Variants in PARD3B observed in about 807,000 individuals in gnomAD.
PARD3B encodes the protein partitioning defective 3 homolog B.
In PARD3B, 103 loss-of-function variants were observed where a neutral mutation model predicts 130.2. The observed-to-expected ratio is 0.79, with a 90% CI of 0.67 to 0.93. PARD3B has a LOEUF of 0.93. Among genes scored for constraint, PARD3B ranks in the 40% least tolerant of loss-of-function variants. PARD3B has a pLI of 0.00. For missense variants in PARD3B, 1,609 were observed against 1,499.2 expected (o/e 1.07, Z -1.21); for synonymous variants, 583 against 553.2 (o/e 1.05, Z -0.76).
intron 2 of PARD3B, among the ~76,000 whole-genome samples, chr2:204,868,991 A>G (rs904246649): frequency 7.9e-5 from 12 of 152,210 alleles, no homozygotes; most frequent in African/African-American, 2.4e-4. Context: ...AGTTACATGT[A>G]TTTAAAAGGT....
chr2:205,002,379 A>G (rs73054947), intron 3 of PARD3B, among the ~76,000 whole-genome samples: 2,973 of 152,272 alleles, frequency 0.02, 87 homozygotes, highest in African/African-American at 0.066. Context: ...ATATTTCTTT[A>G]AGATGAAATC....
intron 2 of PARD3B, among the ~76,000 whole-genome samples, chr2:204,848,447 C>T (rs549488037): frequency 1.8e-4 from 28 of 152,154 alleles, no homozygotes; most frequent in Non-Finnish European, 3.2e-4. Context: ...TCAGCCTGGG[C>T]AACATTGTGA....
rs552132963 is a variant in PARD3B, at chr2:205,309,640, C to A, written c.2630+7939C>A. ...CCAAATTAGCCAAATTAACACTGAA[C>A]CTAGTTAAAAATCTGTCCCTTAGAA... On this transcript the variant is annotated intron_variant, in intron 18 of 22. Transcript: ENST00000406610. The surrounding 1 kb of genome is among the most constrained non-coding windows in gnomAD (Gnocchi z 4.7). Among the ~76,000 whole-genome samples, 7 of 152,220 alleles carry A rather than the reference C, an allele frequency of 4.6e-5. No individual in the cohort carries two copies. In the South Asian group the frequency reaches 1.5e-3, roughly 32 times the overall value.
At chr2:204,996,790 G>A (rs1444926369) in intron 3 of PARD3B, among the ~76,000 whole-genome samples, 1 of 148,634 alleles carries the variant, frequency 6.7e-6, no homozygotes, top group Non-Finnish European at 1.5e-5. Context: ...GTGGTGCGCC[G>A]TTTTTTAAGC....
intron 3 of PARD3B, among the ~76,000 whole-genome samples, chr2:205,005,382 T>C (rs1411950882): frequency 6.6e-6 from 1 of 152,128 alleles, no homozygotes; most frequent in Non-Finnish European, 1.5e-5. Context: ...GAAGACAAAA[T>C]ATGATGTCCC....
chr2:204,789,401 A>G lies in PARD3B; in HGVS notation c.222+103119A>G, dbSNP rs142543998. Among the ~76,000 whole-genome samples the G allele has an allele frequency of 6.4e-3, 969 of 152,308 alleles. 5 individuals are homozygous for G. Among genetic ancestry groups the G allele is most frequent in the South Asian group, 0.014 (66 of 4,826 alleles). On this transcript the variant is annotated intron_variant, in intron 2 of 22. Coordinates refer to ENST00000406610, the MANE Select transcript of PARD3B (RefSeq NM_001302769.2). Reference sequence around the variant, plus strand: ...AATGATTTTTATTTTGTGACAAAGTATTAATGTTTGAAATCAGCTTTTAAG... The same window carrying G: ...AATGATTTTTATTTTGTGACAAAGTGTTAATGTTTGAAATCAGCTTTTAAG...
intron 22 of PARD3B, among the ~76,000 whole-genome samples, chr2:205,588,346 C>T (rs1334652260): frequency 1.3e-5 from 2 of 152,130 alleles, no homozygotes; most frequent in Non-Finnish European, 2.9e-5. Context: ...TTTCAATTTT[C>T]AATACTTTGT....
At chr2:205,093,968 T>C (rs1374813728) in intron 4 of PARD3B, among the ~76,000 whole-genome samples, 1 of 152,164 alleles carries the variant, frequency 6.6e-6, no homozygotes, top group East Asian at 1.9e-4. Flanking sequence ...TTCAGACCTC[T>C]GCACCTCATT....
chr2:205,010,528 G>C (rs188828428), intron 3 of PARD3B, among the ~76,000 whole-genome samples: 1 of 152,174 alleles, frequency 6.6e-6, no homozygotes, highest in Non-Finnish European at 1.5e-5. Context: ...GATTACATGA[G>C]AGCAAACACT....
At chr2:204,706,855 A>G (rs1167169602) in intron 2 of PARD3B, among the ~76,000 whole-genome samples, 1 of 152,214 alleles carries the variant, frequency 6.6e-6, no homozygotes, top group South Asian at 2.1e-4. Flanking sequence ...CTAGCAAAAC[A>G]CTAATATTTA....
chr2:204,569,110 G>C (rs549103622), intron 1 of PARD3B, among the ~76,000 whole-genome samples: 2 of 152,136 alleles, frequency 1.3e-5, no homozygotes, highest in Non-Finnish European at 2.9e-5. Flanking sequence ...TATTGGGAGT[G>C]TGGTGCTGAA....
Position 204,729,998 on chromosome 2 carries a change from A to C in PARD3B, c.222+43716A>C, listed in dbSNP as rs182259802. On this transcript the variant is annotated intron_variant, in intron 2 of 22. Transcript: ENST00000406610. ...CTAGTTACAGATACACACACACACAAACACACACACACACACACACACACA... is the reference window on the plus strand; with the variant it reads ...CTAGTTACAGATACACACACACACACACACACACACACACACACACACACA... Among the ~76,000 whole-genome samples the C allele has an allele frequency of 2.4e-3, 333 of 141,386 alleles. 1 individual carries two copies. The highest frequency in any genetic ancestry group is 3.0e-3 in the Admixed American group (42 of 14,146). 92.8% of individuals were successfully genotyped at this position (141,386 alleles called of 152,430 possible). A position where few individuals can be genotyped will look rare whatever the true frequency, so the allele number is the denominator to read the frequency against.
At chr2:205,144,265 T>G (rs149343465) in intron 10 of PARD3B, among the ~76,000 whole-genome samples, 142 of 152,324 alleles carry the variant, frequency 9.3e-4, no homozygotes, top group Non-Finnish European at 1.6e-3. Flanking sequence ...GTATACCTAA[T>G]TCATAGCTTG....
chr2:204,994,865 G>C (rs1694014353), intron 3 of PARD3B, among the ~76,000 whole-genome samples: 1 of 151,624 alleles, frequency 6.6e-6, no homozygotes, highest in African/African-American at 2.4e-5. Context: ...GATCTTTGTT[G>C]GTTTAAAGTC....
intron 16 of PARD3B, chr2:205,293,589 A>G (rs1318751262): frequency 6.6e-6 from 1 of 152,222 alleles, no homozygotes; most frequent in Non-Finnish European, 1.5e-5. Flanking sequence ...AAAAGGAACA[A>G]CTAGTATGCA....
chr2:205,476,865 C>T (rs999208118), intron 20 of PARD3B, among the ~76,000 whole-genome samples: 9 of 151,998 alleles, frequency 5.9e-5, no homozygotes, highest in African/African-American at 1.2e-4. Flanking sequence ...TATGTGTATG[C>T]GTGTGTGTAT....
intron 20 of PARD3B, among the ~76,000 whole-genome samples, chr2:205,472,911 C>T (rs1394236748): frequency 6.6e-6 from 1 of 151,864 alleles, no homozygotes; most frequent in African/African-American, 2.4e-5. Context: ...TGAGTAGTCA[C>T]TTGGATTACA....
rs184305867 is a variant in PARD3B, at chr2:204,801,174, C to T, written c.222+114892C>T. ...GATACCTCCAGCTTTGCTCTTTTTGCTTAGGATTGTCTTGGCTATATGGGC... is the reference window on the plus strand; with the variant it reads ...GATACCTCCAGCTTTGCTCTTTTTGTTTAGGATTGTCTTGGCTATATGGGC... On this transcript the variant is annotated intron_variant, in intron 2 of 22. Transcript: ENST00000406610. Among the ~76,000 whole-genome samples the T allele has an allele frequency of 2.0e-3, 308 of 152,172 alleles. 4 individuals are homozygous for T. The highest frequency in any genetic ancestry group is 0.016 in the Admixed American group (240 of 15,272).
Position 205,585,179 on chromosome 2 carries a change from C to G in PARD3B, c.3261-30277C>G, listed in dbSNP as rs2054151984. ...TTAGTCTTTTTTGTGGAATGCCTGC[C>G]TAGGTGTTTATGGCAAGAGGCATAT... On this transcript the variant is annotated intron_variant, in intron 22 of 22. Coordinates refer to ENST00000406610, the MANE Select transcript of PARD3B (RefSeq NM_001302769.2). This position sits in a 1 kb window ranked among gnomAD's most constrained non-coding sequence, Gnocchi z 5.4. Among the ~76,000 whole-genome samples, 1 of 152,134 alleles carries G rather than the reference C, an allele frequency of 6.6e-6. No individual in the cohort carries two copies. The highest frequency in any genetic ancestry group is 1.5e-5 in the Non-Finnish European group (1 of 68,028).
Sources: gnomAD v4.1 joint callset for allele counts (sites outside exome capture counted in the v4.1 genomes callset) on GRCh38, gnomAD v4.1.1 for gene constraint, Gnocchi (gnomAD v3.1) non-coding constraint, MANE v1.5 for transcripts, NCBI Gene and HGNC (gene_info 2026-07-23, HGNC 2026-07-21) for gene names.